The following GPATCH1 variants were observed in gnomAD, a reference collection of about 807,000 sequenced individuals.
GPATCH1 encodes the protein G-patch domain containing 1.
In GPATCH1, 73 loss-of-function variants were observed where a neutral mutation model predicts 114.9. The observed-to-expected ratio is 0.64, with a 90% confidence interval of 0.53 to 0.77. The LOEUF (loss-of-function observed/expected upper bound fraction) is 0.77, where lower values mean the gene tolerates loss of function less well. GPATCH1 is among the 30% of genes least tolerant of loss of function. GPATCH1 has a pLI of 0.00. For synonymous variants in GPATCH1, 391 were observed against 428.4 expected, an observed-to-expected ratio of 0.91 and a Z score of 1.08; for missense variants, 1,058 against 1,144.3, an observed-to-expected ratio of 0.92 and a Z score of 1.09.
At chr19:33,087,465 CTG>C (rs1181486519) in intron 1 of GPATCH1, among the ~76,000 whole-genome samples, 2 of 152,012 alleles carry the variant, frequency 1.3e-5, no homozygotes, top group Non-Finnish European at 2.9e-5. Context: ...TTAAAGAACA[CTG>C]TGGAATCAGG....
In GPATCH1 at chr19:33,115,318, C is replaced by G. The variant is rs191881656; in HGVS notation, c.2196+899C>G. ...CTCAAACTTCTGCTCTCAAGCAGTC[C>G]TCCTGCCCTGGCCTCCCAAAGTGCT... On this transcript the variant is annotated intron_variant, in intron 15 of 19. Transcript: ENST00000170564. Among the ~76,000 whole-genome samples, 83 of 148,690 alleles carry G rather than the reference C, an allele frequency of 5.6e-4. 2 individuals carry two copies. The East Asian group carries it at 0.016, about 29-fold the overall frequency.
chr19:33,120,460 T>C (rs1599866063), intron 17 of GPATCH1, among the ~76,000 whole-genome samples: 1 of 148,754 alleles, frequency 6.7e-6, no homozygotes, highest in Admixed American at 6.8e-5. Flanking sequence ...CCAGAATCAT[T>C]TGAACCTGAG....
intron 3 of GPATCH1, 94 bp from the exon 4 acceptor site, chr19:33,093,265 T>G: frequency 1.3e-6 from 1 of 784,948 alleles, no homozygotes; most frequent in Non-Finnish European, 1.9e-6. Flanking sequence ...ATTTTGTAGT[T>G]TTAACTTTTT....
intron 10 of GPATCH1, among the ~76,000 whole-genome samples, chr19:33,107,793 C>A (rs1972802185): frequency 6.6e-6 from 1 of 152,106 alleles, no homozygotes; most frequent in Non-Finnish European, 1.5e-5. Flanking sequence ...CACCATGATC[C>A]ACTGCTCGGA....
intron 17 of GPATCH1, among the ~76,000 whole-genome samples, chr19:33,120,271 C>CAATTATATATAAAAATTATATAA (rs1555721440): frequency 0.44 from 53,076 of 120,122 alleles, 12,675 homozygotes; most frequent in African/African-American, 0.71. Context: ...TTATATATAA[C>CAATTATATATAAAAATTATATAA]AATTATATAT....
In GPATCH1 at chr19:33,097,791, G is replaced by C. The variant is rs775373927; in HGVS notation, c.889G>C (p.Asp297His). 6.2e-7 allele frequency: 1 copy of C among 1,613,828 alleles called. No individual in the cohort carries two copies. Among genetic ancestry groups the C allele is most frequent in the South Asian group, 1.1e-5 (1 of 91,074 alleles). The stretch of plus-strand genomic sequence containing the variant: ...AGGTGCCCTGGAAGAGGAAGATGAT[G>C]ATATCTATGCCACAGAAACTCTATC... Reference protein sequence around the residue: ...GVGALEEEDDDIYATETLSKY... With the variant: ...GVGALEEEDDHIYATETLSKY... The change falls in exon 8 of 20, where the codon GAT becomes CAT. Residue 297 changes from aspartate (D) to histidine (H), a missense_variant. By Grantham distance (81) the Asp-to-His change is moderately conservative. Around this residue, in one of 3 missense-constraint regions of GPATCH1, gnomAD observed 893 missense variants for 977.4 expected, o/e 0.91. Coordinates refer to ENST00000170564, the MANE Select transcript of GPATCH1 (RefSeq NM_018025.3).
At chr19:33,100,366 G>C (rs1408738628) in intron 8 of GPATCH1, 1 of 151,896 alleles carries the variant, frequency 6.6e-6, no homozygotes, top group Non-Finnish European at 1.5e-5. Flanking sequence ...GAGGCAGGCA[G>C]ATCACGAGGT....
chr19:33,090,240 G>A (rs1410415683), intron 2 of GPATCH1, among the ~76,000 whole-genome samples: 2 of 152,200 alleles, frequency 1.3e-5, no homozygotes, highest in Non-Finnish European at 2.9e-5. Context: ...GACTGGCAGA[G>A]CCGCTGCCCT....
intron 7 of GPATCH1, 64 bp from the exon 8 acceptor site, chr19:33,097,691 A>T: frequency 7.0e-7 from 1 of 1,432,350 alleles, no homozygotes; most frequent in Middle Eastern, 1.8e-4. Flanking sequence ...AAGTAGCTTT[A>T]TCCCTGAAGA....
chr19:33,128,004 C>A (rs1288364196), intron 19 of GPATCH1, among the ~76,000 whole-genome samples: 1 of 152,162 alleles, frequency 6.6e-6, no homozygotes, highest in East Asian at 1.9e-4. Flanking sequence ...GTGTGAACCA[C>A]CATGCCTGGC....
At chr19:33,126,073 C>G (rs769126634) in intron 18 of GPATCH1, among the ~76,000 whole-genome samples, 1 of 152,192 alleles carries the variant, frequency 6.6e-6, no homozygotes, top group Non-Finnish European at 1.5e-5. Context: ...AGCACTCCCA[C>G]GTATGGCGGA....
At chr19:33,100,949 G>A (rs1410839476) in intron 8 of GPATCH1, among the ~76,000 whole-genome samples, 1 of 152,098 alleles carries the variant, frequency 6.6e-6, no homozygotes, top group Non-Finnish European at 1.5e-5. Flanking sequence ...CAGGTCAGAG[G>A]GCATTGGTCA....
chr19:33,112,449 G>A (rs1356540188), intron 12 of GPATCH1, 37 bp from the exon 13 acceptor site: 39 of 1,610,864 alleles, frequency 2.4e-5, no homozygotes, highest in Admixed American at 3.4e-5. Flanking sequence ...TCAGTGGTGC[G>A]GCCACTTGAT....
At position 33,097,812 on chromosome 19, in the gene GPATCH1, C is replaced by A; in HGVS notation, c.910C>A (p.Leu304Ile). 6.2e-7 allele frequency: 1 copy of A among 1,613,674 alleles called. No individual in the cohort carries two copies. Among genetic ancestry groups the A allele is most frequent in the Non-Finnish European group, 8.5e-7 (1 of 1,179,604 alleles). Reference sequence around the variant, plus strand: ...TGATGATATCTATGCCACAGAAACTCTATCCAAGTATGACACTGTTCTGAA... The same window carrying A: ...TGATGATATCTATGCCACAGAAACTATATCCAAGTATGACACTGTTCTGAA... The part of the protein sequence containing the change: ...EDDDIYATET[L>I]SKYDTVLKDE... Residue 304 changes from leucine (L) to isoleucine (I), a missense_variant, in exon 8 of 20, where the codon CTA (leucine) becomes ATA (isoleucine). By Grantham distance (5) the Leu-to-Ile change is conservative. Coordinates refer to ENST00000170564, the MANE Select transcript of GPATCH1 (RefSeq NM_018025.3).
Position 33,089,199 on chromosome 19 carries a change from G to A in GPATCH1, c.208+931G>A, listed in dbSNP as rs557038505. On this transcript the variant is annotated intron_variant, in intron 2 of 19. Transcript: ENST00000170564. Reference sequence around the variant, plus strand: ...TTCAGTTAATCATTGACTGTCTCTCGTGACTGAGTGAGTGAGGAGGGCAGG... The same window carrying A: ...TTCAGTTAATCATTGACTGTCTCTCATGACTGAGTGAGTGAGGAGGGCAGG... 6.0e-4 allele frequency among the ~76,000 whole-genome samples: 92 copies of A among 152,126 alleles called. 2 individuals are homozygous for A. The highest frequency in any genetic ancestry group is 1.6e-3 in the African/African-American group (66 of 41,488).
At position 33,081,972 on chromosome 19, in the gene GPATCH1, T is replaced by C. The variant is rs1972483453; in HGVS notation, c.73+706T>C. Reference sequence around the variant, plus strand: ...ATCCTCTCGCTTCTGCCTCCCAAAGTGCAGGGATTACAGGCTTGAGCCACT... The same window carrying C: ...ATCCTCTCGCTTCTGCCTCCCAAAGCGCAGGGATTACAGGCTTGAGCCACT... On this transcript the variant is annotated intron_variant, in intron 1 of 19. Coordinates refer to ENST00000170564, the MANE Select transcript of GPATCH1 (RefSeq NM_018025.3). Among the ~76,000 whole-genome samples, 8 of 130,660 alleles carry C rather than the reference T, an allele frequency of 6.1e-5. No homozygotes were observed. The South Asian group carries it at 1.9e-3, about 30-fold the overall frequency. 85.7% of individuals were successfully genotyped at this position (130,660 alleles called of 152,430 possible). A position where few individuals can be genotyped will look rare whatever the true frequency, so the allele number is the denominator to read the frequency against.
intron 17 of GPATCH1, among the ~76,000 whole-genome samples, chr19:33,121,580 A>G (rs138243974): frequency 0.011 from 1,638 of 151,840 alleles, 28 homozygotes; most frequent in African/African-American, 0.037. Context: ...CAGCCTCCCA[A>G]TGTGCTGGGA....
rs1972831671 is a variant in GPATCH1 at position 33,109,927 on chromosome 19, A to G, written c.1496A>G (p.Lys499Arg). ...MALGGGTATL[K>R]ASNFKPFAKD... ...TTAGGTGGTGGGACGGCCACCTTAA[A>G]AGCCAGCAACTTCAAGCCTTTCGCC... is the stretch of plus-strand genomic sequence containing the variant. Residue 499 changes from lysine to arginine, a missense_variant, in exon 11 of 20, where the codon AAA becomes AGA. Lys to Arg is a conservative substitution (Grantham distance 26, BLOSUM62 2). Transcript: ENST00000170564. 1.2e-6 allele frequency: 2 copies of G among 1,614,040 alleles called. No individual in the cohort carries two copies. The highest frequency in any genetic ancestry group is 1.7e-6 in the Non-Finnish European group (2 of 1,180,008).
intron 18 of GPATCH1, among the ~76,000 whole-genome samples, 168 bp downstream of exon 18, chr19:33,125,370 A>G (rs1207453753): frequency 1.3e-5 from 2 of 151,938 alleles, no homozygotes; most frequent in Non-Finnish European, 2.9e-5. Flanking sequence ...GATTTTTCAG[A>G]AACATTTTCT....
Sources: gnomAD v4.1 joint callset for allele counts (sites outside exome capture counted in the v4.1 genomes callset) on GRCh38, gnomAD v4.1.1 for gene constraint, gnomAD v4.1.1 regional missense constraint, MANE v1.5 for transcripts, NCBI Gene and HGNC (gene_info 2026-07-23, HGNC 2026-07-21) for gene names.